The following OTUB1 variants were observed in gnomAD, a reference collection of about 807,000 sequenced individuals.
OTUB1 encodes the protein ubiquitin thioesterase OTUB1.
OTUB1 carries 10 observed loss-of-function variants against 35.8 expected under a neutral mutation model. The ratio of observed to expected loss-of-function variants is 0.28; its 90% CI spans 0.17 to 0.47. The LOEUF is 0.47. Among genes scored for constraint, OTUB1 ranks in the 20% least tolerant of loss-of-function variants. The probability of loss-of-function intolerance (pLI) is 0.99; values close to 1 mark genes in which losing one functional copy is unlikely to be tolerated. For missense variants in OTUB1, 264 were observed against 351.6 expected (o/e 0.75, Z 1.99); for synonymous variants, 158 against 143.8 (o/e 1.10, Z -0.71).
chr11:63,996,101 G>A (rs2134310797), intron 3 of OTUB1, among the ~76,000 whole-genome samples: 1 of 152,302 alleles, frequency 6.6e-6, no homozygotes, highest in African/African-American at 2.4e-5. Context: ...TGTGGCGGGA[G>A]CGGGGCTGAG....
At chr11:63,996,435 C>T in intron 3 of OTUB1, 95 bp from the exon 4 acceptor site, 4 of 1,388,778 alleles carry the variant, frequency 2.9e-6, no homozygotes, top group Non-Finnish European at 4.0e-6. Context: ...GCTCAGTTGC[C>T]ACCTTTGGAG....
At chr11:63,990,239 C>G (rs1033176424) in intron 3 of OTUB1, 1 of 152,062 alleles carries the variant, frequency 6.6e-6, no homozygotes, top group African/African-American at 2.4e-5. Context: ...CTCAAAGGGC[C>G]CTGCTGCATC....
chr11:63,990,597 A>AAAAAAAAAAAAAAAAAAAAAT (rs368773572), intron 3 of OTUB1: 1 of 144,834 alleles, frequency 6.9e-6, no homozygotes, highest in African/African-American at 2.7e-5. Context: ...AAAAAATAAA[A>AAAAAAAAAAAAAAAAAAAAAT]AAATAAATAA....
At chr11:63,988,915 C>G in intron 3 of OTUB1, 163 bp downstream of exon 3, 2 of 580,314 alleles carry the variant, frequency 3.4e-6, no homozygotes, top group Non-Finnish European at 6.2e-6. Flanking sequence ...GCCTCAAAAA[C>G]ACATTGATTC....
rs760399947 is a variant in OTUB1, at chr11:63,988,663, C to A, written c.130C>A (p.Gln44Lys). The A allele has an allele frequency of 1.2e-6, 2 of 1,612,274 alleles. No homozygotes were observed. Among genetic ancestry groups the A allele is most frequent in the Non-Finnish European group, 1.7e-6 (2 of 1,178,598 alleles). The change falls in exon 3 of 7, where the codon CAG becomes AAG. Residue 44 changes from glutamine to lysine, a missense_variant. Gln to Lys is a moderately conservative substitution (Grantham distance 53). Coordinates refer to ENST00000538426, the MANE Select transcript of OTUB1 (RefSeq NM_017670.3). Reference sequence around the variant, plus strand: ...TCCCTGCCTCCTCCAGATTGCTGTGCAGAACCCTCTGGTGTCAGAGCGGCT... The same window carrying A: ...TCCCTGCCTCCTCCAGATTGCTGTGAAGAACCCTCTGGTGTCAGAGCGGCT... Reference protein sequence around the residue: ...QDRIQQEIAVQNPLVSERLEL... With the variant: ...QDRIQQEIAVKNPLVSERLEL...
chr11:63,998,020 T>G lies in OTUB1; in HGVS notation c.*474T>G. ...TCCCGGCTGGGCCCCAGACCCCAGC[T>G]TCCTGCCCTCCACCGGGAGTCTGCA... On this transcript the variant is annotated 3_prime_UTR_variant, in exon 7 of 7. Transcript: ENST00000538426. 2 of 516,338 alleles carry G rather than the reference T, an allele frequency of 3.9e-6. No individual in the cohort carries two copies. Among genetic ancestry groups the G allele is most frequent in the African/African-American group, 1.9e-5 (1 of 52,104 alleles). The allele number at this position is 516,338 out of a possible 1,614,324, so 32.0% of individuals were successfully genotyped here. A position where few individuals can be genotyped will look rare whatever the true frequency, so the allele number is the denominator to read the frequency against.
rs1328776219 is a variant in OTUB1 at position 63,997,763 on chromosome 11, C to T, written c.*217C>T. ...GGCTGCTCTGTCTGCTGCCCCCTCCCCCCAGGTGGGTCCCCCTGCTTTTCA... is the reference window on the plus strand; with the variant it reads ...GGCTGCTCTGTCTGCTGCCCCCTCCTCCCAGGTGGGTCCCCCTGCTTTTCA... On this transcript the variant is annotated 3_prime_UTR_variant, in exon 7 of 7. Coordinates refer to ENST00000538426, the MANE Select transcript of OTUB1 (RefSeq NM_017670.3). 1.4e-6 allele frequency: 1 copy of T among 701,916 alleles called. No individual in the cohort carries two copies. The highest frequency in any genetic ancestry group is 2.0e-5 in the Admixed American group (1 of 50,012). 43.5% of individuals were successfully genotyped at this position (701,916 alleles called of 1,614,324 possible).
At chr11:63,986,727 C>T in intron 1 of OTUB1, 1 of 537,268 alleles carries the variant, frequency 1.9e-6, no homozygotes, top group Non-Finnish European at 3.3e-6. Flanking sequence ...CGAGGCGGGC[C>T]AAGGCCCGCG....
chr11:63,996,522 C>T lies in OTUB1; in HGVS notation c.220-8C>T, dbSNP rs552672513. ...TGTTAACCTGTCGGGGTGGGGCTGT[C>T]TCCGCAGGACCTCCACAAAAAGTAC... is the stretch of plus-strand genomic sequence containing the variant. On this transcript the variant is annotated splice_region_variant and splice_polypyrimidine_tract_variant and intron_variant, in intron 3 of 6. Coordinates refer to ENST00000538426, the MANE Select transcript of OTUB1 (RefSeq NM_017670.3). 4.3e-6 allele frequency: 7 copies of T among 1,613,876 alleles called. No homozygotes were observed. The African/African-American group carries it at 6.7e-5, about 15-fold the overall frequency.
intron 3 of OTUB1, among the ~76,000 whole-genome samples, chr11:63,994,127 G>T (rs975315486): frequency 6.6e-6 from 1 of 150,858 alleles, no homozygotes; most frequent in Admixed American, 6.6e-5. Context: ...CCCTGTCTCA[G>T]AAAAGAAAAA....
At chr11:63,995,358 A>G (rs1216550841) in intron 3 of OTUB1, among the ~76,000 whole-genome samples, 3 of 152,066 alleles carry the variant, frequency 2.0e-5, no homozygotes, top group Non-Finnish European at 4.4e-5. Context: ...CACCATGCCG[A>G]GCTAATTTTA....
chr11:63,996,807 G>A (rs1362801220), intron 4 of OTUB1, 50 bp from the exon 5 acceptor site: 1 of 1,612,446 alleles, frequency 6.2e-7, no homozygotes, highest in African/African-American at 1.3e-5. Flanking sequence ...CCTGGCGTCT[G>A]GGCTGGTCGA....
intron 1 of OTUB1, among the ~76,000 whole-genome samples, chr11:63,987,273 G>A (rs1202480886): frequency 6.6e-6 from 1 of 152,182 alleles, no homozygotes; most frequent in Admixed American, 6.5e-5. Flanking sequence ...GCCCCAAAAG[G>A]GTTGACCTTT....
At chr11:63,996,749 C>A in intron 4 of OTUB1, 101 bp downstream of exon 4, 3 of 1,609,834 alleles carry the variant, frequency 1.9e-6, no homozygotes, top group Non-Finnish European at 2.5e-6. Context: ...CCTTCCCGGG[C>A]GATGGGCTGG....
intron 3 of OTUB1, among the ~76,000 whole-genome samples, chr11:63,993,546 C>T (rs776629708): frequency 1.3e-5 from 2 of 151,912 alleles, no homozygotes; most frequent in Admixed American, 6.6e-5. Flanking sequence ...CGCCTGTAGT[C>T]CCAGCTACTC....
intron 1 of OTUB1, among the ~76,000 whole-genome samples, chr11:63,987,583 C>T (rs1160377861): frequency 6.6e-6 from 1 of 152,220 alleles, no homozygotes; most frequent in Non-Finnish European, 1.5e-5. Flanking sequence ...AGGTATTGTG[C>T]TGAAGAGCTC....
In OTUB1 at chr11:63,997,977, A is replaced by C; in HGVS notation, c.*431A>C. On this transcript the variant is annotated 3_prime_UTR_variant, in exon 7 of 7. Transcript: ENST00000538426. ...CCACCCACACTTCATCTGCTCCCTC[A>C]TAGGCCCCACCTCCACGTCCCGGCT... 2.5e-5 allele frequency: 14 copies of C among 565,768 alleles called. No homozygotes were observed. Among genetic ancestry groups the C allele is most frequent in the South Asian group, 1.7e-4 (8 of 48,208 alleles). 35.0% of individuals were successfully genotyped at this position (565,768 alleles called of 1,614,324 possible).
At position 63,988,708 on chromosome 11, in the gene OTUB1, A is replaced by G; in HGVS notation, c.175A>G (p.Lys59Glu). The G allele has an allele frequency of 6.2e-7, 1 of 1,613,238 alleles. No individual in the cohort carries two copies. Among genetic ancestry groups the G allele is most frequent in the Non-Finnish European group, 8.5e-7 (1 of 1,179,772 alleles). Residue 59 changes from lysine (K) to glutamate (E), a missense_variant, in exon 3 of 7, where the codon AAG becomes GAG. By Grantham distance (56) the Lys-to-Glu change is moderately conservative. Coordinates refer to ENST00000538426, the MANE Select transcript of OTUB1 (RefSeq NM_017670.3). The part of the protein sequence containing the change: ...SERLELSVLY[K>E]EYAEDDNIYQ... The stretch of plus-strand genomic sequence containing the variant: ...GCGGCTGGAGCTCTCGGTCCTATAC[A>G]AGGAGTATGCTGAAGATGACAACAT...
At chr11:63,990,635 G>A (rs1942665224) in intron 3 of OTUB1, 1 of 148,320 alleles carries the variant, frequency 6.7e-6, no homozygotes, top group African/African-American at 2.6e-5. Context: ...TGTGACAATG[G>A]GTGTGTGGAA....
Sources: gnomAD v4.1 joint callset for allele counts (sites outside exome capture counted in the v4.1 genomes callset) on GRCh38, gnomAD v4.1.1 for gene constraint, MANE v1.5 for transcripts, NCBI Gene and HGNC (gene_info 2026-07-23, HGNC 2026-07-21) for gene names.